Variants in SLIT3 observed in about 807,000 individuals in gnomAD.
SLIT3 encodes slit homolog 3 protein.
In SLIT3, 68 loss-of-function variants were observed where a neutral mutation model predicts 184.0. The observed-to-expected ratio is 0.37, with a 90% CI of 0.30 to 0.45. The LOEUF (loss-of-function observed/expected upper bound fraction) is 0.45. Among genes scored for constraint, SLIT3 ranks in the 20% least tolerant of loss-of-function variants. SLIT3 has a pLI of 1.00. For missense variants in SLIT3, 1,707 were observed against 2,026.0 expected, an observed-to-expected ratio of 0.84 and a Z score of 3.02; for synonymous variants, 831 against 828.6, an observed-to-expected ratio of 1.00 and a Z score of -0.05.
chr5:168,982,419 T>C (rs1044933576), intron 4 of SLIT3, among the ~76,000 whole-genome samples: 1 of 152,196 alleles, frequency 6.6e-6, no homozygotes, highest in African/African-American at 2.4e-5. Flanking sequence ...AAGAAGGTTC[T>C]CACCAGATGC....
At chr5:169,233,298 T>C (rs565357967) in intron 3 of SLIT3, among the ~76,000 whole-genome samples, 1 of 152,182 alleles carries the variant, frequency 6.6e-6, no homozygotes, top group African/African-American at 2.4e-5. Context: ...GCTGGGATTA[T>C]AGGCGTGAGC....
chr5:168,743,809 C>T (rs1435181933), intron 20 of SLIT3, among the ~76,000 whole-genome samples: 1 of 152,192 alleles, frequency 6.6e-6, no homozygotes, highest in Non-Finnish European at 1.5e-5. Flanking sequence ...ATGAGAAAGA[C>T]TTATTGCTGA....
chr5:169,113,231 C>T (rs558507126), intron 4 of SLIT3, among the ~76,000 whole-genome samples: 24 of 152,254 alleles, frequency 1.6e-4, no homozygotes, highest in African/African-American at 5.8e-4. Context: ...ATTTGCCCTT[C>T]CCTACCTTCC....
chr5:169,072,262 A>G (rs574922280), intron 4 of SLIT3, among the ~76,000 whole-genome samples: 17 of 152,224 alleles, frequency 1.1e-4, no homozygotes, highest in Non-Finnish European at 2.5e-4. Flanking sequence ...ATGCACTGGC[A>G]TCAGACTGGG....
intron 4 of SLIT3, among the ~76,000 whole-genome samples, chr5:169,148,568 C>T (rs764758806): frequency 1.3e-5 from 2 of 152,174 alleles, no homozygotes; most frequent in Non-Finnish European, 2.9e-5. Context: ...AAATGCAACA[C>T]CTTGACTTGA....
rs2305992 is a variant in SLIT3, at chr5:168,710,880, G to A, written c.2719+15C>T. 0.19 allele frequency: 291,275 copies of A among 1,499,292 alleles called. 31,335 individuals are homozygous for A. The highest frequency in any genetic ancestry group is 0.22 in the Non-Finnish European group (245,031 of 1,114,944). 92.9% of individuals were successfully genotyped at this position (1,499,292 alleles called of 1,614,324 possible). On this transcript the variant is annotated intron_variant, in intron 25 of 35. Coordinates refer to ENST00000519560, the MANE Select transcript of SLIT3 (RefSeq NM_003062.4). The stretch of plus-strand genomic sequence containing the variant: ...CAAGAGGGGCAGGGGAGGGTGGGGT[G>A]TGGGCGTCACCTACCTTTGCACTGG...
Position 168,671,488 on chromosome 5 carries a change from G to T in SLIT3, c.3842-5C>A. ...GGCCGGTGGAGGTGGGGATGCCTGT[G>T]GGAGGGGAGCCAGGACAGTGGCCTG... On this transcript the variant is annotated splice_region_variant and splice_polypyrimidine_tract_variant and intron_variant, in intron 33 of 35. Transcript: ENST00000519560. 6.2e-7 allele frequency: 1 copy of T among 1,608,320 alleles called. No individual in the cohort carries two copies.
chr5:168,868,577 GTC>G (rs1486665790), intron 5 of SLIT3, among the ~76,000 whole-genome samples: 1 of 151,916 alleles, frequency 6.6e-6, no homozygotes, highest in Non-Finnish European at 1.5e-5. Context: ...GTGAAACCCT[GTC>G]TCTACTAAAA....
At chr5:168,890,800 T>C (rs1013789719) in intron 4 of SLIT3, among the ~76,000 whole-genome samples, 3 of 152,190 alleles carry the variant, frequency 2.0e-5, no homozygotes, top group African/African-American at 7.2e-5. Context: ...ATGTGTGACA[T>C]TTTCCATAAT....
chr5:168,968,272 T>C (rs1439469165), intron 4 of SLIT3, among the ~76,000 whole-genome samples: 3 of 152,148 alleles, frequency 2.0e-5, no homozygotes, highest in Admixed American at 6.6e-5. Context: ...TTCTTGGGTC[T>C]CCCAACACAA....
In SLIT3 at chr5:169,159,636, C is replaced by T. The variant is rs182506657; in HGVS notation, c.413+33843G>A. Reference sequence around the variant, plus strand: ...TAAAAATACACAAAAATTAGTTGGGCGTGGTGGCAGGCACCTGTAGGCCCA... The same window carrying T: ...TAAAAATACACAAAAATTAGTTGGGTGTGGTGGCAGGCACCTGTAGGCCCA... On this transcript the variant is annotated intron_variant, in intron 4 of 35. Coordinates refer to ENST00000519560, the MANE Select transcript of SLIT3 (RefSeq NM_003062.4). Among the ~76,000 whole-genome samples, 34 of 152,076 alleles carry T rather than the reference C, an allele frequency of 2.2e-4. No homozygotes were observed. In the East Asian group the frequency reaches 6.2e-3, roughly 28 times the overall value.
At chr5:168,981,066 A>AT (rs1052024018) in intron 4 of SLIT3, among the ~76,000 whole-genome samples, 3 of 152,196 alleles carry the variant, frequency 2.0e-5, no homozygotes, top group Admixed American at 6.5e-5. Flanking sequence ...CCAAAAAGAT[A>AT]TTTTTTTAAA....
intron 4 of SLIT3, among the ~76,000 whole-genome samples, chr5:169,145,922 C>T (rs1761908084): frequency 6.6e-6 from 1 of 152,134 alleles, no homozygotes; most frequent in Non-Finnish European, 1.5e-5. Flanking sequence ...GTGGCACACA[C>T]AACCTGTAGT....
At chr5:168,797,981 G>C (rs761149377) in intron 9 of SLIT3, among the ~76,000 whole-genome samples, 27 of 152,118 alleles carry the variant, frequency 1.8e-4, no homozygotes, top group Non-Finnish European at 3.2e-4. Flanking sequence ...CTCACACACA[G>C]AGACGTCATG....
intron 7 of SLIT3, among the ~76,000 whole-genome samples, chr5:168,818,934 A>T (rs1757429926): frequency 6.6e-6 from 1 of 152,266 alleles, no homozygotes; most frequent in South Asian, 2.1e-4. Flanking sequence ...ATCCCATATA[A>T]AATGTAATTT....
Position 168,674,112 on chromosome 5 carries a change from C to A in SLIT3, c.3687-781G>T, listed in dbSNP as rs75610452. 3.7e-3 allele frequency among the ~76,000 whole-genome samples: 567 copies of A among 152,266 alleles called. 3 individuals carry two copies. The highest frequency in any genetic ancestry group is 0.012 in the African/African-American group (495 of 41,534). The stretch of plus-strand genomic sequence containing the variant: ...AATTTCAATAGTTTGCTATTGTCCC[C>A]CCTAAGGTCACCTCAGGTACCACCA... On this transcript the variant is annotated intron_variant, in intron 32 of 35. Transcript: ENST00000519560.
At chr5:168,882,733 G>T (rs572362518) in intron 5 of SLIT3, among the ~76,000 whole-genome samples, 1 of 152,278 alleles carries the variant, frequency 6.6e-6, no homozygotes, top group South Asian at 2.1e-4. Context: ...TCCTAGGCCA[G>T]TGGAAATGGA....
intron 8 of SLIT3, among the ~76,000 whole-genome samples, chr5:168,812,196 T>TG (rs1757179857): frequency 6.6e-6 from 1 of 152,106 alleles, no homozygotes; most frequent in Non-Finnish European, 1.5e-5. Context: ...TACCAGGGCC[T>TG]GGGGAGGGTA....
chr5:169,039,928 C>T lies in SLIT3; in HGVS notation c.413+153551G>A, dbSNP rs375083253. Among the ~76,000 whole-genome samples, 8 of 152,322 alleles carry T rather than the reference C, an allele frequency of 5.3e-5. No individual in the cohort carries two copies. In the East Asian group the frequency reaches 1.5e-3, roughly 29 times the overall value. ...CTTCACTATCCCTTTTAACAAAAGCCAATGTTTGATTCACATTGTTGAGTC... is the reference window on the plus strand; with the variant it reads ...CTTCACTATCCCTTTTAACAAAAGCTAATGTTTGATTCACATTGTTGAGTC... On this transcript the variant is annotated intron_variant, in intron 4 of 35. Coordinates refer to ENST00000519560, the MANE Select transcript of SLIT3 (RefSeq NM_003062.4).
Sources: allele counts gnomAD v4.1 joint callset (sites outside exome capture counted in the v4.1 genomes callset), GRCh38; gene constraint gnomAD v4.1.1; transcripts MANE v1.5; gene names NCBI Gene and HGNC (gene_info 2026-07-23, HGNC 2026-07-21).